SGCD: variants seen among roughly 807,000 people sequenced by gnomAD.
SGCD encodes sarcoglycan delta.
SGCD carries 18 observed loss-of-function variants against 36.6 expected under a neutral mutation model. The ratio of observed to expected loss-of-function variants is 0.49; its 90% CI spans 0.34 to 0.73. The LOEUF (loss-of-function observed/expected upper bound fraction) is 0.73, where lower values mean the gene tolerates loss of function less well. Among genes scored for constraint, SGCD ranks in the 30% least tolerant of loss-of-function variants. SGCD has a pLI of 0.01. For missense variants in SGCD, 387 were observed against 346.7 expected (o/e 1.12, Z -0.92); for synonymous variants, 133 against 130.6 (o/e 1.02, Z -0.12).
chr5:156,149,371 G>A (rs1762780048), intron 3 of SGCD, among the ~76,000 whole-genome samples: 1 of 152,136 alleles, frequency 6.6e-6, no homozygotes, highest in South Asian at 2.1e-4. Flanking sequence ...CTAACAATTT[G>A]ATTTGTGGTT....
chr5:156,090,955 G>A (rs558960586), intron 1 of SGCD, among the ~76,000 whole-genome samples: 46 of 152,178 alleles, frequency 3.0e-4, no homozygotes, highest in African/African-American at 1.0e-3. Context: ...ATTTTTCCTT[G>A]TTCCCTAAAA....
At chr5:156,237,453 C>A (rs1201734968) in intron 3 of SGCD, among the ~76,000 whole-genome samples, 1 of 151,920 alleles carries the variant, frequency 6.6e-6, no homozygotes, top group Non-Finnish European at 1.5e-5. Context: ...GGTGAAACCC[C>A]CTCTCTACTA....
chr5:155,873,417 C>G (rs186086638), intron 1 of SGCD, among the ~76,000 whole-genome samples: 1 of 152,252 alleles, frequency 6.6e-6, no homozygotes, highest in East Asian at 1.9e-4. Flanking sequence ...TGAAGTAACT[C>G]AGAAACAGAA....
intron 4 of SGCD, among the ~76,000 whole-genome samples, chr5:156,576,940 T>C (rs1021165053): frequency 1.3e-5 from 2 of 152,226 alleles, no homozygotes; most frequent in African/African-American, 2.4e-5. Flanking sequence ...CATTTGTCTA[T>C]TTTGGCTTTT....
intron 3 of SGCD, among the ~76,000 whole-genome samples, chr5:156,189,085 G>A (rs190938282): frequency 9.9e-5 from 15 of 152,218 alleles, no homozygotes; most frequent in African/African-American, 2.6e-4. Flanking sequence ...GGAAGCTTTC[G>A]CTTGACTCTC....
the SGCD span, among the ~76,000 whole-genome samples, chr5:155,771,454 C>T: frequency 1.3e-5 from 2 of 150,760 alleles, no homozygotes; most frequent in African/African-American, 2.4e-5. Flanking sequence ...TACAGAGTGT[C>T]ACTGTGTTGC....
intron 3 of SGCD, among the ~76,000 whole-genome samples, chr5:156,217,159 G>A (rs1764598034): frequency 6.6e-6 from 1 of 152,162 alleles, no homozygotes; most frequent in South Asian, 2.1e-4. Flanking sequence ...AGACCAAAAA[G>A]TATTAACGTG....
intron 4 of SGCD, among the ~76,000 whole-genome samples, chr5:156,578,839 A>G (rs1352308434): frequency 6.6e-6 from 1 of 152,056 alleles, no homozygotes; most frequent in Non-Finnish European, 1.5e-5. Flanking sequence ...TGGTCTATCA[A>G]TTTTGTTGAT....
chr5:156,534,036 C>T (rs1757995178), intron 4 of SGCD, among the ~76,000 whole-genome samples: 1 of 152,128 alleles, frequency 6.6e-6, no homozygotes, highest in African/African-American at 2.4e-5. Flanking sequence ...ATCAATGTAA[C>T]ACTATAAATT....
intron 1 of SGCD, among the ~76,000 whole-genome samples, chr5:155,988,771 A>G (rs565074742): frequency 6.6e-6 from 1 of 152,182 alleles, no homozygotes; most frequent in Non-Finnish European, 1.5e-5. Context: ...CTCCTTTGTA[A>G]AATGGTAATG....
chr5:156,236,520 G>C (rs1049983137), intron 3 of SGCD, among the ~76,000 whole-genome samples: 2 of 149,254 alleles, frequency 1.3e-5, no homozygotes, highest in African/African-American at 5.0e-5. Flanking sequence ...TGCCATCTCT[G>C]CTCACTGCAA....
the SGCD span, among the ~76,000 whole-genome samples, chr5:155,747,836 C>A: frequency 6.6e-6 from 1 of 152,172 alleles, no homozygotes; most frequent in Non-Finnish European, 1.5e-5. Context: ...CTGAGATTAT[C>A]CTTGACGTTT....
intron 5 of SGCD, among the ~76,000 whole-genome samples, chr5:156,590,871 TTCTCTCTTCTCG>T (rs938828150): frequency 6.0e-5 from 9 of 151,114 alleles, no homozygotes; most frequent in Non-Finnish European, 8.9e-5. Context: ...TTCCTTCCCC[TTCTCTCTTCTCG>T]TCTCTCTTCT....
upstream of SGCD, among the ~76,000 whole-genome samples, chr5:155,869,311 T>A (rs1755585620): frequency 6.6e-6 from 1 of 152,196 alleles, no homozygotes; most frequent in Admixed American, 6.5e-5. Flanking sequence ...TTCAAAGATA[T>A]TGTTGTATGA....
chr5:156,349,829 A>T (rs533988692), intron 3 of SGCD, among the ~76,000 whole-genome samples: 1 of 152,210 alleles, frequency 6.6e-6, no homozygotes, highest in African/African-American at 2.4e-5. Flanking sequence ...AACTGCAAAG[A>T]TATGGAACCA....
intron 3 of SGCD, among the ~76,000 whole-genome samples, chr5:156,157,617 A>G (rs1230973583): frequency 3.3e-5 from 5 of 151,728 alleles, no homozygotes; most frequent in African/African-American, 4.9e-5. Flanking sequence ...GATATAAACT[A>G]TTTGCTATAG....
chr5:156,436,410 T>C (rs1753249249), intron 3 of SGCD, among the ~76,000 whole-genome samples: 1 of 152,228 alleles, frequency 6.6e-6, no homozygotes. Context: ...TTGAAATCAG[T>C]TGTCAAGTCA....
chr5:156,353,743 A>C (rs574545848), intron 3 of SGCD, among the ~76,000 whole-genome samples: 1 of 152,272 alleles, frequency 6.6e-6, no homozygotes, highest in South Asian at 2.1e-4. Flanking sequence ...CCATCTGAAA[A>C]ATGGCCAAAA....
chr5:156,303,172 G>A (rs1767102346), intron 3 of SGCD, among the ~76,000 whole-genome samples: 2 of 152,268 alleles, frequency 1.3e-5, no homozygotes, highest in South Asian at 4.1e-4. Flanking sequence ...CTACAGCTTA[G>A]CTGGCACCCA....
Sources: gnomAD v4.1 joint callset for allele counts (sites outside exome capture counted in the v4.1 genomes callset) on GRCh38, gnomAD v4.1.1 for gene constraint, MANE v1.5 for transcripts, NCBI Gene and HGNC (gene_info 2026-07-23, HGNC 2026-07-21) for gene names.